The following AGXT variants were observed in gnomAD, a reference collection of about 807,000 sequenced individuals.
The protein encoded by AGXT is alanine--glyoxylate aminotransferase.
In AGXT, 41 loss-of-function variants were observed where a neutral mutation model predicts 46.9. The observed-to-expected ratio is 0.88, with a 90% CI of 0.68 to 1.14. The LOEUF (loss-of-function observed/expected upper bound fraction) is 1.14. AGXT is among the 50% of genes most tolerant of loss of function. The pLI, the probability that AGXT is intolerant of heterozygous loss-of-function variation, is 0.00. For synonymous variants in AGXT, 244 were observed against 227.9 expected (o/e 1.07, Z -0.64); for missense variants, 525 against 522.7 (o/e 1.00, Z -0.04).
In AGXT at chr2:240,877,476, G is replaced by A. The variant is rs1437095872; in HGVS notation, c.847-61G>A. 3 of 1,449,136 alleles carry A rather than the reference G, an allele frequency of 2.1e-6. No individual in the cohort carries two copies. The Admixed American group carries it at 6.1e-5, about 30-fold the overall frequency. The allele number at this position is 1,449,136 out of a possible 1,614,324, so 89.8% of individuals were successfully genotyped here. The stretch of plus-strand genomic sequence containing the variant: ...CAGGTTCTTCCTCCCGCACCACAGA[G>A]GGCGGGGCTTCCTGCCCACCCCACC... On this transcript the variant is annotated intron_variant, in intron 8 of 10. Transcript: ENST00000307503.
At chr2:240,873,480 G>C (rs1284613791) in intron 5 of AGXT, 3 of 264,982 alleles carry the variant, frequency 1.1e-5, no homozygotes, top group Non-Finnish European at 2.2e-5. Flanking sequence ...ACCTCGCAGG[G>C]AACCTCAACC....
rs368799073 is a variant in AGXT, at chr2:240,873,971, T to C, written c.596-7T>C. 3.0e-5 allele frequency: 49 copies of C among 1,613,422 alleles called. No individual in the cohort carries two copies. In the African/African-American group the frequency reaches 6.1e-4, roughly 20 times the overall value. On this transcript the variant is annotated splice_polypyrimidine_tract_variant and splice_region_variant and intron_variant, in intron 5 of 10. Transcript: ENST00000307503. ...TCACCCGTCCCGAGCAAACCACCCA[T>C]CTACAGGCATCGACATCCTGTACTC...
rs779837171 is a variant in AGXT, at chr2:240,878,751, G to A, written c.1109G>A (p.Arg370His). 55 of 1,585,240 alleles carry A rather than the reference G, an allele frequency of 3.5e-5. No individual in the cohort carries two copies. The highest frequency in any genetic ancestry group is 3.3e-4 in the Middle Eastern group (2 of 6,038). The change falls in exon 11 of 11, where the codon CGC (arginine) becomes CAC (histidine). Residue 370 changes from arginine (R) to histidine (H), a missense_variant. By Grantham distance (29) the Arg-to-His change is conservative. Transcript: ENST00000307503. ...RIGLLGCNAT[R>H]ENVDRVTEAL... ...GGCCTGCTGGGCTGCAATGCCACCC[G>A]CGAGAATGTGGACCGCGTGACGGAG...
rs763852365 is a variant in AGXT, at chr2:240,877,566, C to G, written c.876C>G (p.Arg292=). The change falls in exon 9 of 11, where the codon CGC becomes CGG. Residue 292 remains arginine (R), a synonymous_variant. Transcript: ENST00000307503. ...TGGAGAACAGCTGGCGCCAGCACCGCGAGGCCGCGGCGTATCTGCATGGGC... is the reference window on the plus strand; with the variant it reads ...TGGAGAACAGCTGGCGCCAGCACCGGGAGGCCGCGGCGTATCTGCATGGGC... ...QGLENSWRQH[R]EAAAYLHGRL... 4 of 1,550,568 alleles carry G rather than the reference C, an allele frequency of 2.6e-6. No homozygotes were observed. In the Admixed American group the frequency reaches 5.9e-5, roughly 23 times the overall value.
chr2:240,878,012 C>G lies in AGXT; in HGVS notation c.943-10C>G. ...TCTCACCCACGCACTGAGCCAGGCC[C>G]CTCCTGCAGGCGCTCCGGCTTCCCA... On this transcript the variant is annotated splice_polypyrimidine_tract_variant and intron_variant, in intron 9 of 10. Coordinates refer to ENST00000307503, the MANE Select transcript of AGXT (RefSeq NM_000030.3). The G allele has an allele frequency of 6.2e-7, 1 of 1,610,346 alleles. No individual in the cohort carries two copies. The highest frequency in any genetic ancestry group is 1.1e-5 in the South Asian group (1 of 91,076).
At chr2:240,872,911 TG>T in intron 4 of AGXT, 67 bp from the exon 5 acceptor site, 1 of 1,395,854 alleles carries the variant, frequency 7.2e-7, no homozygotes, top group Non-Finnish European at 1.0e-6. Context: ...CCATCCAGCC[TG>T]GGGCCAGGCC....
In AGXT at chr2:240,875,117, T is replaced by C. The variant is rs776533187; in HGVS notation, c.689T>C (p.Met230Thr). The C allele has an allele frequency of 1.2e-6, 2 of 1,612,004 alleles. No individual in the cohort carries two copies. The highest frequency in any genetic ancestry group is 2.7e-5 in the African/African-American group (2 of 75,000). Reference protein sequence around the residue: ...ISFSDKAKKKMYSRKTKPFSF... With the variant: ...ISFSDKAKKKTYSRKTKPFSF... Reference sequence around the variant, plus strand: ...TGCTTCTTTCTCCCCAGAAAGAAGATGTACTCCCGCAAGACGAAGCCCTTC... The same window carrying C: ...TGCTTCTTTCTCCCCAGAAAGAAGACGTACTCCCGCAAGACGAAGCCCTTC... The change falls in exon 7 of 11, where the codon ATG (methionine) becomes ACG (threonine). Residue 230 changes from methionine to threonine, a missense_variant. Physicochemically the swap from Met to Thr is moderately conservative, Grantham distance 81. Transcript: ENST00000307503.
At position 240,875,099 on chromosome 2, in the gene AGXT, T is replaced by A; in HGVS notation, c.681-10T>A. Reference sequence around the variant, plus strand: ...AGAGGCTGGTGCTCAGCCTGCTTCTTTCTCCCCAGAAAGAAGATGTACTCC... The same window carrying A: ...AGAGGCTGGTGCTCAGCCTGCTTCTATCTCCCCAGAAAGAAGATGTACTCC... On this transcript the variant is annotated splice_polypyrimidine_tract_variant and intron_variant, in intron 6 of 10. Transcript: ENST00000307503. The A allele has an allele frequency of 6.2e-7, 1 of 1,602,022 alleles. No homozygotes were observed. Among genetic ancestry groups the A allele is most frequent in the Non-Finnish European group, 8.6e-7 (1 of 1,169,142 alleles).
chr2:240,870,861 C>A (rs528876969), intron 3 of AGXT, among the ~76,000 whole-genome samples, 153 bp downstream of exon 3: 28 of 152,194 alleles, frequency 1.8e-4, no homozygotes, highest in African/African-American at 6.5e-4. Flanking sequence ...TGGTGAGCGG[C>A]CACAGGGGAG....
At chr2:240,875,052 C>T in intron 6 of AGXT, 57 bp from the exon 7 acceptor site, 1 of 1,460,642 alleles carries the variant, frequency 6.8e-7, no homozygotes, top group Non-Finnish European at 9.6e-7. Flanking sequence ...AGCGAGACTG[C>T]CCTGGCCTTC....
chr2:240,877,926 G>C, intron 9 of AGXT, 96 bp from the exon 10 acceptor site: 4 of 1,547,330 alleles, frequency 2.6e-6, no homozygotes, highest in South Asian at 2.2e-5. Context: ...GGCTCCTCTG[G>C]AACCTGAAGC....
intron 6 of AGXT, among the ~76,000 whole-genome samples, chr2:240,874,502 A>C (rs2059012179): frequency 6.6e-6 from 1 of 152,194 alleles, no homozygotes; most frequent in African/African-American, 2.4e-5. Context: ...GGGTAGGGGA[A>C]GGGGGCCAGA....
At position 240,868,995 on chromosome 2, in the gene AGXT, C is replaced by T. The variant is rs180177172; in HGVS notation, c.130C>T (p.Gln44Ter). The change falls in exon 1 of 11, where the codon CAG becomes TAG. Residue 44 changes from glutamine (Q) to a stop codon, truncating the protein, a stop_gained. Transcript: ENST00000307503. LOFTEE classifies it high-confidence loss of function. Reference protein sequence around the residue: ...PPRIMAAGGLQMIGSMSKDMY... With the variant: ...PPRIMAAGGL ...TCGCATCATGGCAGCCGGGGGGCTG[C>T]AGATGATCGGGTCCATGAGCAAGGA... 1.9e-6 allele frequency: 3 copies of T among 1,612,832 alleles called. No homozygotes were observed. The highest frequency in any genetic ancestry group is 2.5e-6 in the Non-Finnish European group (3 of 1,179,968).
chr2:240,869,340 C>T lies in AGXT; in HGVS notation c.336C>T (p.Ala112=), dbSNP rs180177204. The change falls in exon 2 of 11, where the codon GCC becomes GCT. Residue 112 remains alanine, a synonymous_variant. Coordinates refer to ENST00000307503, the MANE Select transcript of AGXT (RefSeq NM_000030.3). The part of the protein sequence containing the change: ...VGANGIWGQR[A]VDIGERIGAR... The stretch of plus-strand genomic sequence containing the variant: ...CCAATGGCATTTGGGGGCAGCGAGC[C>T]GTGGACATCGGGGAGCGCATAGGTA... 3.7e-6 allele frequency: 6 copies of T among 1,603,412 alleles called. No individual in the cohort carries two copies. The African/African-American group carries it at 4.0e-5, about 11-fold the overall frequency.
Position 240,878,734 on chromosome 2 carries a change from G to T in AGXT, c.1092G>T (p.Leu364=). ...STGKVLRIGL[L]GCNATRENVD... Reference sequence around the variant, plus strand: ...CCCAGGTGCTGCGGATCGGCCTGCTGGGCTGCAATGCCACCCGCGAGAATG... The same window carrying T: ...CCCAGGTGCTGCGGATCGGCCTGCTTGGCTGCAATGCCACCCGCGAGAATG... The change falls in exon 11 of 11, where the codon CTG becomes CTT. Residue 364 remains leucine (L), a synonymous_variant. Transcript: ENST00000307503. 1.3e-6 allele frequency: 2 copies of T among 1,570,772 alleles called. No individual in the cohort carries two copies. Among genetic ancestry groups the T allele is most frequent in the East Asian group, 2.3e-5 (1 of 43,252 alleles).
At chr2:240,874,165 A>C in intron 6 of AGXT, 103 bp downstream of exon 6, 1 of 1,131,844 alleles carries the variant, frequency 8.8e-7, no homozygotes, top group South Asian at 1.3e-5. Flanking sequence ...AGGGCTCCCC[A>C]TGCTCCTCCA....
intron 3 of AGXT, 128 bp from the exon 4 acceptor site, chr2:240,871,221 C>A: frequency 1.3e-6 from 1 of 788,086 alleles, no homozygotes; most frequent in Non-Finnish European, 2.1e-6. Context: ...CCCATGCACA[C>A]CATCAGGGAG....
rs200921230 is a variant in AGXT, at chr2:240,871,326, C to T, written c.424-23C>T. The T allele has an allele frequency of 1.3e-5, 20 of 1,556,612 alleles. No individual in the cohort carries two copies. The African/African-American group carries it at 2.2e-4, about 17-fold the overall frequency. On this transcript the variant is annotated intron_variant, in intron 3 of 10. Coordinates refer to ENST00000307503, the MANE Select transcript of AGXT (RefSeq NM_000030.3). ...GGCCCCTGCCCCTCTGAGCTCCACC[C>T]ACAGCCGTCCCTGCTTCCTCAGGGC...
In AGXT at chr2:240,871,367, C is replaced by A; in HGVS notation, c.442C>A (p.Pro148Thr). ...EVEEGLAQHKPVLLFLTHGES... is the reference protein window; with the variant it reads ...EVEEGLAQHKTVLLFLTHGES... ...TCCTCAGGGCCTGGCCCAGCACAAGCCAGTGCTGCTGTTCTTAACCCACGG... is the reference window on the plus strand; with the variant it reads ...TCCTCAGGGCCTGGCCCAGCACAAGACAGTGCTGCTGTTCTTAACCCACGG... The change falls in exon 4 of 11, where the codon CCA becomes ACA. Residue 148 changes from proline (P) to threonine (T), a missense_variant. Physicochemically the swap from Pro to Thr is conservative, Grantham distance 38. Transcript: ENST00000307503. 6.3e-7 allele frequency: 1 copy of A among 1,591,272 alleles called. No individual in the cohort carries two copies. Among genetic ancestry groups the A allele is most frequent in the Non-Finnish European group, 8.6e-7 (1 of 1,169,400 alleles).
Sources: allele counts gnomAD v4.1 joint callset (sites outside exome capture counted in the v4.1 genomes callset), GRCh38; gene constraint gnomAD v4.1.1; transcripts MANE v1.5; gene names NCBI Gene and HGNC (gene_info 2026-07-23, HGNC 2026-07-21).